The following SPART variants were observed in gnomAD, a reference collection of about 807,000 sequenced individuals.
The protein encoded by SPART is spastic paraplegia 20 (Troyer syndrome).
SPART carries 35 observed loss-of-function variants against 58.7 expected under a neutral mutation model. That is an observed-to-expected ratio of 0.60 (90% confidence interval 0.46 to 0.79). The LOEUF is 0.79. Ranked by LOEUF, SPART falls within the 30% of genes least tolerant of loss-of-function variation. SPART has a pLI of 0.00. For missense variants in SPART, 730 were observed against 786.1 expected, an observed-to-expected ratio of 0.93 and a Z score of 0.85; for synonymous variants, 284 against 280.7, an observed-to-expected ratio of 1.01 and a Z score of -0.12.
intron 4 of SPART, 79 bp downstream of exon 4, chr13:36,329,283 A>C: frequency 1.3e-6 from 2 of 1,507,366 alleles, no homozygotes; most frequent in South Asian, 2.3e-5. Flanking sequence ...GTATATGGGA[A>C]TATGATCATA....
At position 36,303,071 on chromosome 13, in the gene SPART, C is replaced by T. The variant is rs1464708137; in HGVS notation, c.*1294G>A. 6.6e-6 allele frequency: 1 copy of T among 152,168 alleles called. No homozygotes were observed. Among genetic ancestry groups the T allele is most frequent in the Non-Finnish European group, 1.5e-5 (1 of 68,016 alleles). 9.4% of individuals were successfully genotyped at this position (152,168 alleles called of 1,614,324 possible). A position where few individuals can be genotyped will look rare whatever the true frequency, so the allele number is the denominator to read the frequency against. On this transcript the variant is annotated 3_prime_UTR_variant, in exon 9 of 9. Coordinates refer to ENST00000438666, the MANE Select transcript of SPART (RefSeq NM_015087.5). Reference sequence around the variant, plus strand: ...TCCATTTTAACAACTAGTACATTATCCTTGGCCTTAGGAAAAGCCTCCATC... The same window carrying T: ...TCCATTTTAACAACTAGTACATTATTCTTGGCCTTAGGAAAAGCCTCCATC...
rs544463893 is a variant in SPART at position 36,366,721 on chromosome 13, T to G, written c.-3+3368A>C. Among the ~76,000 whole-genome samples the G allele has an allele frequency of 2.0e-5, 3 of 152,318 alleles. No homozygotes were observed. The South Asian group carries it at 6.2e-4, about 32-fold the overall frequency. ...GTCTCTGTACGGGGGAATTTCTTCC[T>G]TCTGTCTTTGCCCTTCCTTCTTGCC... On this transcript the variant is annotated intron_variant, in intron 1 of 8. Transcript: ENST00000355182.
intron 1 of SPART, among the ~76,000 whole-genome samples, chr13:36,352,047 C>G (rs1289403421): frequency 6.6e-6 from 1 of 152,062 alleles, no homozygotes; most frequent in African/African-American, 2.4e-5. Flanking sequence ...AGTGGGATGA[C>G]TCGATGTAAA....
intron 1 of SPART, among the ~76,000 whole-genome samples, chr13:36,339,327 T>G (rs1346911859): frequency 1.3e-5 from 2 of 151,816 alleles, no homozygotes; most frequent in Non-Finnish European, 2.9e-5. Context: ...TAGGCAATAA[T>G]AAATAAGAAA....
At chr13:36,331,204 A>G (rs1371881846) in intron 3 of SPART, among the ~76,000 whole-genome samples, 195 bp downstream of exon 3, 1 of 152,216 alleles carries the variant, frequency 6.6e-6, no homozygotes, top group East Asian at 1.9e-4. Context: ...TATACAGGCA[A>G]TTTGACTCTA....
chr13:36,340,718 G>A (rs2137609281), intron 1 of SPART, among the ~76,000 whole-genome samples: 1 of 151,996 alleles, frequency 6.6e-6, no homozygotes, highest in Non-Finnish European at 1.5e-5. Flanking sequence ...GGAGACAACA[G>A]AAAAGAATTT....
intron 8 of SPART, among the ~76,000 whole-genome samples, chr13:36,307,462 T>A (rs1880630295): frequency 6.6e-6 from 1 of 152,040 alleles, no homozygotes; most frequent in South Asian, 2.1e-4. Flanking sequence ...TATAGCATAG[T>A]ACCAAAAACC....
intron 1 of SPART, among the ~76,000 whole-genome samples, chr13:36,362,759 A>G: frequency 6.6e-6 from 1 of 150,988 alleles, no homozygotes; most frequent in East Asian, 2.0e-4. Flanking sequence ...CCCAAAACCA[A>G]CAGCAAGAAA....
chr13:36,365,248 A>C (rs1341485), intron 1 of SPART, among the ~76,000 whole-genome samples: 1 of 152,104 alleles, frequency 6.6e-6, no homozygotes, highest in Admixed American at 6.5e-5. Flanking sequence ...TAAAGTAAAA[A>C]AAAATTATAC....
At chr13:36,347,817 A>G (rs531372367), upstream of SPART, among the ~76,000 whole-genome samples, 27 of 152,320 alleles carry the variant, frequency 1.8e-4, no homozygotes, top group African/African-American at 6.3e-4. Context: ...TAAAAGTTAT[A>G]TAACTTTTAA....
At chr13:36,348,660 T>C (rs1885292006), upstream of SPART, among the ~76,000 whole-genome samples, 1 of 152,214 alleles carries the variant, frequency 6.6e-6, no homozygotes, top group Non-Finnish European at 1.5e-5. Context: ...AAGACTTGTA[T>C]GCTGAAGACC....
At chr13:36,307,204 T>C (rs994199240) in intron 8 of SPART, among the ~76,000 whole-genome samples, 1 of 152,150 alleles carries the variant, frequency 6.6e-6, no homozygotes, top group Non-Finnish European at 1.5e-5. Flanking sequence ...AGTCGGATTT[T>C]ATATACTAAC....
chr13:36,365,620 T>C, intron 1 of SPART: 1 of 469,212 alleles, frequency 2.1e-6, no homozygotes, highest in Non-Finnish European at 4.4e-6. Flanking sequence ...TTGAAATATT[T>C]ATCCAACTTT....
intron 8 of SPART, among the ~76,000 whole-genome samples, chr13:36,307,889 A>C (rs942320947): frequency 2.0e-5 from 3 of 152,218 alleles, no homozygotes; most frequent in Non-Finnish European, 4.4e-5. Flanking sequence ...TATCCACCTG[A>C]AATCAGATAA....
chr13:36,355,513 T>C (rs1885587617), intron 1 of SPART, among the ~76,000 whole-genome samples: 1 of 152,088 alleles, frequency 6.6e-6, no homozygotes, highest in African/African-American at 2.4e-5. Flanking sequence ...AAAATAAAGG[T>C]TTGGAATATT....
In SPART at chr13:36,319,456, A is replaced by G. The variant is rs1348989788; in HGVS notation, c.1289-5035T>C. 5.3e-5 allele frequency among the ~76,000 whole-genome samples: 8 copies of G among 151,832 alleles called. No homozygotes were observed. In the South Asian group the frequency reaches 8.3e-4, roughly 16 times the overall value. ...ATATCCCATCCCGCAGCATGCTTTAAAAAGATTAAAGCCTGTTATCACTCG... is the reference window on the plus strand; with the variant it reads ...ATATCCCATCCCGCAGCATGCTTTAGAAAGATTAAAGCCTGTTATCACTCG... On this transcript the variant is annotated intron_variant, in intron 5 of 8. Coordinates refer to ENST00000438666, the MANE Select transcript of SPART (RefSeq NM_015087.5).
chr13:36,327,888 G>C (rs1189393337), intron 4 of SPART, among the ~76,000 whole-genome samples: 1 of 152,130 alleles, frequency 6.6e-6, no homozygotes, highest in Non-Finnish European at 1.5e-5. Context: ...CAGCTGCTCG[G>C]GAGGTTGAGA....
intron 5 of SPART, among the ~76,000 whole-genome samples, chr13:36,323,682 C>A (rs1288735709): frequency 2.0e-5 from 3 of 152,056 alleles, no homozygotes; most frequent in East Asian, 3.9e-4. Flanking sequence ...TAATTTTCTG[C>A]CCCCCTTTGT....
chr13:36,354,619 A>C (rs1044189483), intron 1 of SPART, among the ~76,000 whole-genome samples: 1 of 152,314 alleles, frequency 6.6e-6, no homozygotes, highest in East Asian at 1.9e-4. Context: ...GATATGTTGG[A>C]GCTTGCGCCT....
Sources: allele counts gnomAD v4.1 joint callset (sites outside exome capture counted in the v4.1 genomes callset), GRCh38; gene constraint gnomAD v4.1.1; transcripts MANE v1.5; gene names NCBI Gene and HGNC (gene_info 2026-07-23, HGNC 2026-07-21).